The following POFUT3 variants were observed in gnomAD, a reference collection of about 807,000 sequenced individuals.
POFUT3 encodes the protein GDP-fucose protein O-fucosyltransferase 3.
the POFUT3 span, among the ~76,000 whole-genome samples, chr8:33,414,673 C>A: frequency 6.6e-6 from 1 of 152,284 alleles, no homozygotes; most frequent in South Asian, 2.1e-4. Flanking sequence ...CTCCCCTACA[C>A]CTTCAAATAG....
At chr8:33,376,014 C>G in the POFUT3 span, among the ~76,000 whole-genome samples, 1 of 132,076 alleles carries the variant, frequency 7.6e-6, no homozygotes, top group Non-Finnish European at 1.5e-5. Flanking sequence ...GAGACTCCAT[C>G]TCAAAAAGAA....
At chr8:33,384,218 T>C in the POFUT3 span, among the ~76,000 whole-genome samples, 5 of 152,214 alleles carry the variant, frequency 3.3e-5, no homozygotes, top group South Asian at 1.0e-3. Context: ...AACAGGACAT[T>C]GTAGGAATGA....
chr8:33,367,861 G>C, the POFUT3 span, among the ~76,000 whole-genome samples: 1 of 151,066 alleles, frequency 6.6e-6, no homozygotes, highest in Non-Finnish European at 1.5e-5. Flanking sequence ...ATACAGTAAT[G>C]GTTTTTAAAT....
chr8:33,461,456 G>A, the POFUT3 span: 1 of 1,613,582 alleles, frequency 6.2e-7, no homozygotes, highest in South Asian at 1.1e-5. Flanking sequence ...GCACCATGCT[G>A]CCCTGCCCTG....
At chr8:33,446,259 C>T in the POFUT3 span, among the ~76,000 whole-genome samples, 1 of 152,018 alleles carries the variant, frequency 6.6e-6, no homozygotes, top group East Asian at 1.9e-4. Flanking sequence ...GAATTCGAGA[C>T]CAGCCTGGCC....
At chr8:33,321,304 T>C in the POFUT3 span, among the ~76,000 whole-genome samples, 51,957 of 151,976 alleles carry the variant, frequency 0.34, 9,506 homozygotes, top group East Asian at 0.66. Flanking sequence ...TCAGAGAAGA[T>C]ACAGCTGAAG....
the POFUT3 span, among the ~76,000 whole-genome samples, chr8:33,472,487 G>A: frequency 0.016 from 2,400 of 152,264 alleles, 79 homozygotes; most frequent in African/African-American, 0.055. Flanking sequence ...TTGCAAATGG[G>A]ATAACCCAGG....
At chr8:33,325,251 CA>C in the POFUT3 span, among the ~76,000 whole-genome samples, 2 of 152,128 alleles carry the variant, frequency 1.3e-5, no homozygotes, top group African/African-American at 4.8e-5. Context: ...CCTAAAAGTT[CA>C]TCCTTTTTTC....
the POFUT3 span, among the ~76,000 whole-genome samples, chr8:33,456,506 G>A: frequency 6.6e-6 from 1 of 151,484 alleles, no homozygotes; most frequent in South Asian, 2.1e-4. Context: ...TACAAACGCA[G>A]GCCACCACGC....
At chr8:33,427,552 C>A in the POFUT3 span, among the ~76,000 whole-genome samples, 1 of 151,852 alleles carries the variant, frequency 6.6e-6, no homozygotes, top group Non-Finnish European at 1.5e-5. Context: ...GCACTCCAGC[C>A]TGGGCAACAA....
the POFUT3 span, among the ~76,000 whole-genome samples, chr8:33,331,877 C>A: frequency 1.3e-5 from 2 of 151,744 alleles, no homozygotes; most frequent in East Asian, 4.0e-4. Context: ...CGGGGTTTCA[C>A]CGTGTTAGCC....
the POFUT3 span, among the ~76,000 whole-genome samples, chr8:33,446,325 C>T: frequency 1.3e-5 from 2 of 151,988 alleles, no homozygotes; most frequent in African/African-American, 2.4e-5. Context: ...GGTGTGGTGG[C>T]GCACACCTGT....
chr8:33,346,458 C>A, the POFUT3 span, among the ~76,000 whole-genome samples: 3 of 152,176 alleles, frequency 2.0e-5, no homozygotes, highest in Non-Finnish European at 4.4e-5. Flanking sequence ...TGCTGCCTCT[C>A]CATTTTATGT....
At chr8:33,384,060 A>T in the POFUT3 span, among the ~76,000 whole-genome samples, 7 of 152,172 alleles carry the variant, frequency 4.6e-5, no homozygotes, top group Non-Finnish European at 8.8e-5. Flanking sequence ...CACAGGATCA[A>T]CATGGCTCCA....
At chr8:33,351,167 C>T in the POFUT3 span, among the ~76,000 whole-genome samples, 1 of 152,112 alleles carries the variant, frequency 6.6e-6, no homozygotes. Context: ...GTTGGCCAGG[C>T]TGGTCACAAA....
chr8:33,467,637 A>C, the POFUT3 span, among the ~76,000 whole-genome samples: 1 of 152,202 alleles, frequency 6.6e-6, no homozygotes, highest in African/African-American at 2.4e-5. Context: ...TGCTGCACAG[A>C]GTGGGGTTTG....
At chr8:33,372,320 T>G in the POFUT3 span, 1 of 1,218,392 alleles carries the variant, frequency 8.2e-7, no homozygotes, top group African/African-American at 1.6e-5. Context: ...AGTAAGTATG[T>G]GGGTCCACAG....
At chr8:33,361,277 T>G in the POFUT3 span, 1 of 152,176 alleles carries the variant, frequency 6.6e-6, no homozygotes, top group Admixed American at 6.5e-5. Flanking sequence ...AATCGCCCAG[T>G]GTTGACAGAA....
At chr8:33,426,447 C>T in the POFUT3 span, among the ~76,000 whole-genome samples, 1 of 152,132 alleles carries the variant, frequency 6.6e-6, no homozygotes, top group Non-Finnish European at 1.5e-5. Context: ...ACAGTGAAGA[C>T]ACAAAGAAGC....
Sources: allele counts gnomAD v4.1 joint callset (sites outside exome capture counted in the v4.1 genomes callset), GRCh38; gene constraint gnomAD v4.1.1; transcripts MANE v1.5; gene names NCBI Gene and HGNC (gene_info 2026-07-23, HGNC 2026-07-21).